The following DDX10 variants were observed in gnomAD, a reference collection of about 807,000 sequenced individuals.
DDX10 encodes the protein probable ATP-dependent RNA helicase DDX10.
DDX10 carries 74 observed loss-of-function variants against 104.3 expected under a neutral mutation model. The ratio of observed to expected loss-of-function variants is 0.71; its 90% CI spans 0.59 to 0.86. DDX10 has a LOEUF of 0.86. DDX10 is among the 40% of genes least tolerant of loss of function. The pLI, the probability that DDX10 is intolerant of heterozygous loss-of-function variation, is 0.00. For missense variants in DDX10, 952 were observed against 1,040.0 expected, an observed-to-expected ratio of 0.92 and a Z score of 1.16; for synonymous variants, 351 against 353.4, an observed-to-expected ratio of 0.99 and a Z score of 0.08.
At chr11:108,855,341 C>T (rs372269274) in intron 16 of DDX10, among the ~76,000 whole-genome samples, 2 of 152,008 alleles carry the variant, frequency 1.3e-5, no homozygotes, top group African/African-American at 4.8e-5. Context: ...AATCCCTGGT[C>T]GCTGGAATGA....
intron 15 of DDX10, among the ~76,000 whole-genome samples, chr11:108,842,288 T>C (rs532825307): frequency 3.8e-4 from 58 of 152,260 alleles, no homozygotes; most frequent in Admixed American, 3.3e-3. Flanking sequence ...TTTAAAGAAC[T>C]TTCTTTAGCG....
intron 6 of DDX10, among the ~76,000 whole-genome samples, chr11:108,682,625 GT>G (rs1430435967): frequency 2.6e-5 from 4 of 152,042 alleles, no homozygotes; most frequent in Non-Finnish European, 4.4e-5. Flanking sequence ...CTACCTTTGT[GT>G]CTTCATTGTT....
In DDX10 at chr11:108,701,675, C is replaced by CTTTTTTTTTTT. The variant is rs55916940; in HGVS notation, c.1224-5049_1224-5039dup. Among the ~76,000 whole-genome samples, 188 of 77,418 alleles carry CTTTTTTTTTTT rather than the reference C, an allele frequency of 2.4e-3. 4 individuals carry two copies. Among genetic ancestry groups the CTTTTTTTTTTT allele is most frequent in the Middle Eastern group, 0.015 (1 of 68 alleles). 50.8% of individuals were successfully genotyped at this position (77,418 alleles called of 152,430 possible). Reference sequence around the variant, plus strand: ...GGTGTTTTTTCTTTCTTCTTCTTCTCTTTTTTTTTTTTTTTTTTTTTTTTT... The same window carrying CTTTTTTTTTTT: ...GGTGTTTTTTCTTTCTTCTTCTTCTCTTTTTTTTTTTTTTTTTTTTTTTTTTTTTTTTTTTT... On this transcript the variant is annotated intron_variant, in intron 9 of 17. Transcript: ENST00000322536.
rs540891574 is a variant in DDX10 at position 108,735,616 on chromosome 11, A to G, written c.1965+12154A>G. The stretch of plus-strand genomic sequence containing the variant: ...ATAGGTAATTTGAAATGAAAACAGT[A>G]TGAAACTTGAAAATAGTAAGAAAGT... On this transcript the variant is annotated intron_variant, in intron 13 of 17. Transcript: ENST00000322536. 3.7e-4 allele frequency among the ~76,000 whole-genome samples: 57 copies of G among 152,274 alleles called. 1 individual carries two copies. In the South Asian group the frequency reaches 5.0e-3, roughly 13 times the overall value.
intron 13 of DDX10, among the ~76,000 whole-genome samples, chr11:108,795,264 T>C (rs1861924639): frequency 6.6e-6 from 1 of 151,346 alleles, no homozygotes; most frequent in Admixed American, 6.6e-5. Context: ...CTCCAAATTG[T>C]CTGGGCCTGG....
At chr11:108,845,558 AAC>A (rs1336434593) in intron 15 of DDX10, among the ~76,000 whole-genome samples, 3 of 152,174 alleles carry the variant, frequency 2.0e-5, no homozygotes, top group African/African-American at 7.2e-5. Flanking sequence ...AAATACTGAC[AAC>A]AGGGTCTAGG....
At chr11:108,842,503 A>AT (rs1412292695) in intron 15 of DDX10, among the ~76,000 whole-genome samples, 1 of 152,222 alleles carries the variant, frequency 6.6e-6, no homozygotes, top group East Asian at 1.9e-4. Context: ...TAGAACAGCA[A>AT]TTCTCATTTC....
intron 13 of DDX10, among the ~76,000 whole-genome samples, chr11:108,742,546 C>A (rs1215664895): frequency 6.6e-6 from 1 of 152,160 alleles, no homozygotes; most frequent in Non-Finnish European, 1.5e-5. Context: ...GCCTGGGCAA[C>A]AGAGTGAGAC....
At chr11:108,913,311 A>G (rs1863704681) in intron 16 of DDX10, among the ~76,000 whole-genome samples, 1 of 152,114 alleles carries the variant, frequency 6.6e-6, no homozygotes, top group Admixed American at 6.5e-5. Flanking sequence ...GGTCATAGGT[A>G]GTTAAGAGAT....
At chr11:108,883,504 G>A (rs749547207) in intron 16 of DDX10, among the ~76,000 whole-genome samples, 21 of 152,068 alleles carry the variant, frequency 1.4e-4, no homozygotes, top group African/African-American at 4.3e-4. Flanking sequence ...CAATTTCTCC[G>A]TCTTTACCAG....
chr11:108,835,835 T>C (rs1230226598), intron 13 of DDX10, among the ~76,000 whole-genome samples: 2 of 130,040 alleles, frequency 1.5e-5, no homozygotes, highest in South Asian at 5.2e-4. Context: ...TGAGGCGTGG[T>C]GGGGGGTGGG....
intron 2 of DDX10, among the ~76,000 whole-genome samples, chr11:108,674,602 C>T (rs973389745): frequency 2.6e-5 from 4 of 151,774 alleles, no homozygotes; most frequent in Non-Finnish European, 5.9e-5. Context: ...CCTCAGCCTT[C>T]TGGGCTCAAG....
intron 11 of DDX10, among the ~76,000 whole-genome samples, chr11:108,717,894 C>A (rs2094293531): frequency 6.6e-6 from 1 of 152,146 alleles, no homozygotes; most frequent in Non-Finnish European, 1.5e-5. Flanking sequence ...TGGGGTGGCT[C>A]ATGCCTATAA....
chr11:108,755,402 C>T (rs996980934), intron 13 of DDX10, among the ~76,000 whole-genome samples: 1 of 152,004 alleles, frequency 6.6e-6, no homozygotes, highest in African/African-American at 2.4e-5. Flanking sequence ...GCAAAGTAGG[C>T]CCCTGAGACA....
rs573858744 is a variant in DDX10, at chr11:108,900,384, G to A, written c.2305-17489G>A. ...TCCTACTACAGATATTTTGACTACT[G>A]AGAAATCCAAAGATATATCAGCTCA... On this transcript the variant is annotated intron_variant, in intron 16 of 17. Transcript: ENST00000322536. Among the ~76,000 whole-genome samples the A allele has an allele frequency of 7.2e-5, 11 of 152,230 alleles. No individual in the cohort carries two copies. In the South Asian group the frequency reaches 2.3e-3, roughly 32 times the overall value.
At chr11:108,925,310 T>C (rs1863894740) in intron 17 of DDX10, among the ~76,000 whole-genome samples, 1 of 152,212 alleles carries the variant, frequency 6.6e-6, no homozygotes, top group African/African-American at 2.4e-5. Context: ...TTACTGTTAC[T>C]GTTTTTGCCC....
rs552556543 is a variant in DDX10 at position 108,812,561 on chromosome 11, C to G, written c.1966-25885C>G. Among the ~76,000 whole-genome samples, 5 of 152,128 alleles carry G rather than the reference C, an allele frequency of 3.3e-5. No individual in the cohort carries two copies. In the South Asian group the frequency reaches 1.0e-3, roughly 32 times the overall value. ...AACACTGAATTGCAATTTTGTACTT[C>G]TTAGATATTATTACTCTTTATCAAC... On this transcript the variant is annotated intron_variant, in intron 13 of 17. Coordinates refer to ENST00000322536, the MANE Select transcript of DDX10 (RefSeq NM_004398.4).
rs147224649 is a variant in DDX10 at position 108,680,454 on chromosome 11, A to G, written c.848+894A>G. ...GGTTTCAAATTCCTGAGATCAAGCAATCCTCCCACTTTGGCCTCCCAAAGT... is the reference window on the plus strand; with the variant it reads ...GGTTTCAAATTCCTGAGATCAAGCAGTCCTCCCACTTTGGCCTCCCAAAGT... On this transcript the variant is annotated intron_variant, in intron 6 of 17. Transcript: ENST00000322536. Among the ~76,000 whole-genome samples the G allele has an allele frequency of 1.1e-3, 170 of 152,306 alleles. 2 individuals are homozygous for G. Among genetic ancestry groups the G allele is most frequent in the African/African-American group, 3.9e-3 (164 of 41,574 alleles).
intron 16 of DDX10, among the ~76,000 whole-genome samples, chr11:108,872,087 T>TA (rs930494747): frequency 1.2e-4 from 18 of 152,232 alleles, no homozygotes; most frequent in African/African-American, 4.1e-4. Context: ...GAATTTGCCT[T>TA]ATGAGTTAAC....
Sources: allele counts gnomAD v4.1 joint callset (sites outside exome capture counted in the v4.1 genomes callset), GRCh38; gene constraint gnomAD v4.1.1; transcripts MANE v1.5; gene names NCBI Gene and HGNC (gene_info 2026-07-23, HGNC 2026-07-21).